DNER: variants seen among roughly 807,000 people sequenced by gnomAD.
DNER encodes delta and Notch-like epidermal growth factor-related receptor.
DNER carries 33 observed loss-of-function variants against 78.2 expected under a neutral mutation model. The ratio of observed to expected loss-of-function variants is 0.42; its 90% CI spans 0.32 to 0.56. DNER has a LOEUF of 0.56. Ranked by LOEUF, DNER falls within the 20% of genes least tolerant of loss-of-function variation. DNER has a pLI of 0.11. For missense variants in DNER, 918 were observed against 975.3 expected, an observed-to-expected ratio of 0.94 and a Z score of 0.78; for synonymous variants, 417 against 384.8, an observed-to-expected ratio of 1.08 and a Z score of -0.98.
chr2:229,693,500 TG>T (rs1184028328), intron 1 of DNER, among the ~76,000 whole-genome samples: 1 of 151,714 alleles, frequency 6.6e-6, no homozygotes, highest in Non-Finnish European at 1.5e-5. Context: ...GAAAGAAAAA[TG>T]TGGGTAAGTT....
intron 9 of DNER, among the ~76,000 whole-genome samples, chr2:229,413,012 G>A (rs73998218): frequency 0.022 from 3,281 of 152,242 alleles, 42 homozygotes; most frequent in African/African-American, 0.037. Context: ...AGTCAAAGAA[G>A]AGGTTTTTAA....
chr2:229,571,321 T>G (rs1262027749), intron 4 of DNER, among the ~76,000 whole-genome samples: 1 of 152,096 alleles, frequency 6.6e-6, no homozygotes, highest in Non-Finnish European at 1.5e-5. Flanking sequence ...GAAATCTACT[T>G]GCTGCTAAAA....
chr2:229,536,173 G>A (rs1263534286), intron 5 of DNER, among the ~76,000 whole-genome samples: 1 of 152,230 alleles, frequency 6.6e-6, no homozygotes, highest in African/African-American at 2.4e-5. Context: ...ATGGTCATTG[G>A]CTAGTTACAT....
chr2:229,452,110 G>T (rs1237119248), intron 7 of DNER, among the ~76,000 whole-genome samples: 1 of 152,120 alleles, frequency 6.6e-6, no homozygotes, highest in African/African-American at 2.4e-5. Flanking sequence ...TCATTCTGAG[G>T]CTACTGGATA....
intron 7 of DNER, among the ~76,000 whole-genome samples, chr2:229,465,021 G>A (rs886676929): frequency 1.3e-5 from 2 of 152,158 alleles, no homozygotes; most frequent in African/African-American, 4.8e-5. Context: ...AGACAGTGTG[G>A]TGATTCCTCA....
intron 8 of DNER, among the ~76,000 whole-genome samples, chr2:229,427,102 A>C (rs1693895215): frequency 6.6e-6 from 1 of 152,398 alleles, no homozygotes; most frequent in African/African-American, 2.4e-5. Context: ...AATTGAAAGG[A>C]CTAAAGACAG....
chr2:229,598,281 T>C (rs1275093416), intron 1 of DNER, among the ~76,000 whole-genome samples: 1 of 152,246 alleles, frequency 6.6e-6, no homozygotes, highest in African/African-American at 2.4e-5. Context: ...GCCTCTTCTG[T>C]ACTTTTACAG....
intron 2 of DNER, among the ~76,000 whole-genome samples, chr2:229,590,847 T>C (rs6436876): frequency 0.99 from 151,480 of 152,344 alleles, 75,322 homozygotes; most frequent in East Asian, 1. Context: ...GGATGTGAGG[T>C]CTGGTAGGAG....
intron 1 of DNER, among the ~76,000 whole-genome samples, chr2:229,636,102 C>T (rs947740598): frequency 6.6e-6 from 1 of 152,164 alleles, no homozygotes; most frequent in African/African-American, 2.4e-5. Context: ...TCCCGTGGCA[C>T]ACCGTAACTC....
At position 229,416,186 on chromosome 2, in the gene DNER, A is replaced by T. The variant is rs113533965; in HGVS notation, c.1609+1922T>A. ...TCCTGTCTTTTCACTCGTGGTTTCC[A>T]CTTCCTCATATTTTGATTCTCTCAT... On this transcript the variant is annotated intron_variant, in intron 9 of 12. Transcript: ENST00000341772. 6.7e-3 allele frequency among the ~76,000 whole-genome samples: 1,013 copies of T among 152,272 alleles called. 13 individuals are homozygous for T. Among genetic ancestry groups the T allele is most frequent in the African/African-American group, 0.023 (973 of 41,538 alleles).
At chr2:229,494,680 C>A (rs751366985) in intron 6 of DNER, among the ~76,000 whole-genome samples, 1 of 152,192 alleles carries the variant, frequency 6.6e-6, no homozygotes, top group Non-Finnish European at 1.5e-5. Flanking sequence ...TGTCCCCAGA[C>A]CTGGAGTAGA....
intron 1 of DNER, among the ~76,000 whole-genome samples, chr2:229,603,112 T>G (rs1697863738): frequency 6.6e-6 from 1 of 151,952 alleles, no homozygotes; most frequent in Admixed American, 6.6e-5. Flanking sequence ...TAAACTGATA[T>G]CCAATGAGAA....
intron 1 of DNER, among the ~76,000 whole-genome samples, chr2:229,693,879 A>C (rs555925558): frequency 7.0e-4 from 106 of 152,346 alleles, no homozygotes; most frequent in Non-Finnish European, 6.6e-4. Flanking sequence ...TAAGTAACAA[A>C]GAGCCAAATG....
At chr2:229,549,912 AAAT>A (rs966717321) in intron 4 of DNER, among the ~76,000 whole-genome samples, 1 of 151,766 alleles carries the variant, frequency 6.6e-6, no homozygotes, top group African/African-American at 2.4e-5. Context: ...CTCTGTCTCA[AAAT>A]AATAATAATA....
At chr2:229,702,926 A>G (rs1699771661) in intron 1 of DNER, among the ~76,000 whole-genome samples, 1 of 151,316 alleles carries the variant, frequency 6.6e-6, no homozygotes. Flanking sequence ...CAAAAAAAAA[A>G]AAAAAAAAAA....
intron 10 of DNER, among the ~76,000 whole-genome samples, chr2:229,398,563 C>G (rs113281587): frequency 0.034 from 5,142 of 152,036 alleles, 138 homozygotes; most frequent in African/African-American, 0.073. Context: ...AAAAGAGAAA[C>G]AAAACTATTT....
At chr2:229,690,952 A>C (rs1699561578) in intron 1 of DNER, among the ~76,000 whole-genome samples, 1 of 152,230 alleles carries the variant, frequency 6.6e-6, no homozygotes, top group African/African-American at 2.4e-5. Context: ...CCACTTATTA[A>C]GAATAAATAC....
At chr2:229,563,748 A>T (rs1457504401) in intron 4 of DNER, among the ~76,000 whole-genome samples, 3 of 148,712 alleles carry the variant, frequency 2.0e-5, no homozygotes, top group Admixed American at 1.3e-4. Context: ...CATCACCATC[A>T]TCATCATCCT....
intron 1 of DNER, among the ~76,000 whole-genome samples, chr2:229,706,426 G>A (rs945379774): frequency 6.6e-6 from 1 of 151,616 alleles, no homozygotes; most frequent in Non-Finnish European, 1.5e-5. Context: ...AGCCGAATGT[G>A]GTGGCACACA....
Sources: allele counts gnomAD v4.1 joint callset (sites outside exome capture counted in the v4.1 genomes callset), GRCh38; gene constraint gnomAD v4.1.1; transcripts MANE v1.5; gene names NCBI Gene and HGNC (gene_info 2026-07-23, HGNC 2026-07-21).